SRI: variants seen among roughly 807,000 people sequenced by gnomAD.
SRI encodes the protein sorcin, also known as 22 kDa protein.
SRI carries 30 observed loss-of-function variants against 33.3 expected under a neutral mutation model. The ratio of observed to expected loss-of-function variants is 0.90; its 90% CI spans 0.67 to 1.22. The LOEUF is 1.22. SRI is among the 50% of genes most tolerant of loss of function. The pLI is 0.00. For missense variants in SRI, 243 were observed against 250.8 expected (o/e 0.97, Z 0.21); for synonymous variants, 75 against 89.9 (o/e 0.83, Z 0.94).
At position 88,205,348 on chromosome 7, in the gene SRI, G is replaced by T. The variant is rs1851417653; in HGVS notation, c.*1130C>A. The T allele has an allele frequency of 6.6e-6, 1 of 152,144 alleles. No individual in the cohort carries two copies. Among genetic ancestry groups the T allele is most frequent in the Admixed American group, 6.5e-5 (1 of 15,268 alleles). 9.4% of individuals were successfully genotyped at this position (152,144 alleles called of 1,614,324 possible). On this transcript the variant is annotated 3_prime_UTR_variant, in exon 8 of 8. Coordinates refer to ENST00000265729, the MANE Select transcript of SRI (RefSeq NM_003130.4). ...CTTGTATCAACACACTTCATATTCA[G>T]AACTACTCCCAAGAGATAACATATT...
At chr7:88,221,615 G>A (rs983564995), upstream of SRI, among the ~76,000 whole-genome samples, 35 of 152,154 alleles carry the variant, frequency 2.3e-4, 1 homozygote, top group Non-Finnish European at 4.6e-4. Flanking sequence ...TAGCTTCGTG[G>A]ATAAACGGCT....
At chr7:88,221,671 T>C (rs931899049), upstream of SRI, among the ~76,000 whole-genome samples, 10 of 152,246 alleles carry the variant, frequency 6.6e-5, no homozygotes, top group Admixed American at 1.3e-4. Flanking sequence ...TCCCACTGCT[T>C]TACTGCTAAA....
chr7:88,219,653 G>A (rs1241918207), intron 1 of SRI, among the ~76,000 whole-genome samples: 1 of 151,418 alleles, frequency 6.6e-6, no homozygotes, highest in African/African-American at 2.4e-5. Context: ...AGGCGGGGGT[G>A]GGGTGGGGTG....
upstream of SRI, among the ~76,000 whole-genome samples, chr7:88,222,890 A>G (rs1395267650): frequency 6.6e-6 from 1 of 152,082 alleles, no homozygotes; most frequent in African/African-American, 2.4e-5. Flanking sequence ...CTAAAACCAT[A>G]AAAACCCTAG....
intron 3 of SRI, chr7:88,214,889 A>G (rs930729237): frequency 1.3e-5 from 15 of 1,136,452 alleles, no homozygotes; most frequent in Admixed American, 4.6e-5. Flanking sequence ...ACCTAGAAGG[A>G]AAGCCCTACC....
upstream of SRI, among the ~76,000 whole-genome samples, chr7:88,220,404 C>T (rs1274385683): frequency 4.1e-5 from 6 of 146,152 alleles, no homozygotes; most frequent in East Asian, 2.0e-4. Context: ...TGGCACATTT[C>T]TTATTTTAAA....
intron 7 of SRI, 60 bp from the exon 8 acceptor site, chr7:88,206,564 T>G (rs2115730845): frequency 6.3e-7 from 1 of 1,596,630 alleles, no homozygotes; most frequent in Non-Finnish European, 8.6e-7. Context: ...CACAGCCTAT[T>G]TCTGGCAGCT....
chr7:88,220,083 GC>G, upstream of SRI: 1 of 1,458,766 alleles, frequency 6.9e-7, no homozygotes, highest in East Asian at 2.9e-5. Flanking sequence ...TCCGCCCCCT[GC>G]CCCGCCCCGC....
In SRI at chr7:88,206,496, T is replaced by G. The variant is rs35163776; in HGVS notation, c.579A>C (p.Gln193His). 6.2e-7 allele frequency: 1 copy of G among 1,613,830 alleles called. No homozygotes were observed. Among genetic ancestry groups the G allele is most frequent in the Non-Finnish European group, 8.5e-7 (1 of 1,179,838 alleles). ...VVNFPYDDFI[Q>H]CVMSV is the part of the protein sequence containing the mutation. ...TCTTGATTTAAACACTCATGACACA[T>G]TGAATGAACTGAAAGAAAAATCAGC... The change falls in exon 8 of 8, where the codon CAA becomes CAC. Residue 193 changes from glutamine (Q) to histidine (H), a missense_variant. Transcript: ENST00000265729.
intron 3 of SRI, 33 bp from the exon 4 acceptor site, chr7:88,210,958 C>T: frequency 2.5e-6 from 4 of 1,578,796 alleles, no homozygotes; most frequent in Non-Finnish European, 3.5e-6. Context: ...TACATATTAA[C>T]ACAAATCCAA....
At chr7:88,212,775 A>T (rs994824572) in intron 3 of SRI, among the ~76,000 whole-genome samples, 19 of 152,222 alleles carry the variant, frequency 1.2e-4, no homozygotes, top group African/African-American at 4.3e-4. Context: ...TCACATGGAA[A>T]CCTGTTAGAG....
At position 88,219,919 on chromosome 7, in the gene SRI, T is replaced by A. The variant is rs1586721919; in HGVS notation, c.51+57A>T. On this transcript the variant is annotated intron_variant, in intron 1 of 7. Transcript: ENST00000265729. ...CCCGCTGGCCGCAGCATCTCCAAGG[T>A]GGCCTCTTAGCGCCCCGGAGCCGCC... 3.3e-6 allele frequency: 5 copies of A among 1,527,018 alleles called. No individual in the cohort carries two copies. In the South Asian group the frequency reaches 4.8e-5, roughly 15 times the overall value. 94.6% of individuals were successfully genotyped at this position (1,527,018 alleles called of 1,614,324 possible).
chr7:88,223,873 T>C (rs1487786953), upstream of SRI, among the ~76,000 whole-genome samples: 1 of 152,110 alleles, frequency 6.6e-6, no homozygotes, highest in Non-Finnish European at 1.5e-5. Flanking sequence ...AGCCTATGGG[T>C]AGAATACAGT....
chr7:88,211,210 T>TG (rs1047048355), intron 3 of SRI, among the ~76,000 whole-genome samples: 3 of 152,184 alleles, frequency 2.0e-5, no homozygotes, highest in African/African-American at 7.2e-5. Context: ...CCCAGCACTT[T>TG]GGGGGGTGCC....
chr7:88,216,665 C>T (rs1341552590), intron 3 of SRI: 1 of 165,644 alleles, frequency 6.0e-6, no homozygotes, highest in Admixed American at 6.0e-5. Flanking sequence ...ATTTCAGCAC[C>T]CTACCTTGTC....
Position 88,212,346 on chromosome 7 carries a change from A to G in SRI, c.206-1421T>C, listed in dbSNP as rs187600080. Reference sequence around the variant, plus strand: ...GAGAGGAGGAGGAAGCACTTTTTACAGTTTGGGAAAGAGCTGGTAGATTCT... The same window carrying G: ...GAGAGGAGGAGGAAGCACTTTTTACGGTTTGGGAAAGAGCTGGTAGATTCT... On this transcript the variant is annotated intron_variant, in intron 3 of 7. Coordinates refer to ENST00000265729, the MANE Select transcript of SRI (RefSeq NM_003130.4). 5.3e-3 allele frequency among the ~76,000 whole-genome samples: 814 copies of G among 152,334 alleles called. 5 individuals carry two copies. The highest frequency in any genetic ancestry group is 6.5e-3 in the Non-Finnish European group (442 of 68,024).
At chr7:88,208,745 T>TGCAACAAAGTAACA (rs1406170366) in intron 6 of SRI, 180 bp from the exon 7 acceptor site, 2 of 898,186 alleles carry the variant, frequency 2.2e-6, no homozygotes, top group Non-Finnish European at 3.2e-6. Flanking sequence ...AGATTTAATA[T>TGCAACAAAGTAACA]GCAACAAAGT....
chr7:88,213,520 T>C (rs1851631322), intron 3 of SRI, among the ~76,000 whole-genome samples: 2 of 152,192 alleles, frequency 1.3e-5, no homozygotes, highest in Non-Finnish European at 2.9e-5. Context: ...TCTGCTCAGC[T>C]TAGGTATCAA....
At chr7:88,206,581 T>C (rs1290251047) in intron 7 of SRI, 77 bp from the exon 8 acceptor site, 2 of 1,570,158 alleles carry the variant, frequency 1.3e-6, no homozygotes, top group Non-Finnish European at 1.8e-6. Flanking sequence ...AGCTTACATT[T>C]GGTTTTCTAA....
Sources: allele counts gnomAD v4.1 joint callset (sites outside exome capture counted in the v4.1 genomes callset), GRCh38; gene constraint gnomAD v4.1.1; transcripts MANE v1.5; gene names NCBI Gene and HGNC (gene_info 2026-07-23, HGNC 2026-07-21).